Variants in ZCCHC17 observed in about 807,000 individuals in gnomAD.
ZCCHC17 encodes the protein zinc finger CCHC-type containing 17.
A neutral mutation model predicts 30.6 loss-of-function variants in ZCCHC17; 18 were observed. The observed-to-expected ratio is 0.59, with a 90% CI of 0.41 to 0.87. ZCCHC17 has a LOEUF of 0.87. Ranked by LOEUF, ZCCHC17 falls within the 40% of genes least tolerant of loss-of-function variation. The pLI, the probability that ZCCHC17 is intolerant of heterozygous loss-of-function variation, is 0.00. For synonymous variants in ZCCHC17, 88 were observed against 92.4 expected (o/e 0.95, Z 0.27); for missense variants, 263 against 284.2 (o/e 0.93, Z 0.54).
intron 5 of ZCCHC17, among the ~76,000 whole-genome samples, chr1:31,345,766 A>C (rs1253458556): frequency 6.6e-6 from 1 of 150,442 alleles, no homozygotes; most frequent in African/African-American, 2.4e-5. Flanking sequence ...GCAGGAGAGA[A>C]AGAGAGAGAG....
At chr1:31,311,675 C>T (rs940179164) in intron 2 of ZCCHC17, among the ~76,000 whole-genome samples, 2 of 152,146 alleles carry the variant, frequency 1.3e-5, no homozygotes, top group South Asian at 2.1e-4. Flanking sequence ...ACAGAAGGAG[C>T]GAACTCACCC....
At chr1:31,338,851 A>G (rs879433616) in intron 4 of ZCCHC17, 106 bp from the exon 5 acceptor site, 16 of 693,774 alleles carry the variant, frequency 2.3e-5, no homozygotes, top group Non-Finnish European at 3.4e-5. Flanking sequence ...TACCTGGTCC[A>G]TTAAAGAAGC....
chr1:31,346,997 C>T (rs1277570939), intron 6 of ZCCHC17, among the ~76,000 whole-genome samples: 1 of 152,160 alleles, frequency 6.6e-6, no homozygotes, highest in African/African-American at 2.4e-5. Flanking sequence ...TATGCCTTGT[C>T]TGGGCAAGAC....
chr1:31,335,653 C>T (rs1638785386), intron 3 of ZCCHC17, among the ~76,000 whole-genome samples: 1 of 152,150 alleles, frequency 6.6e-6, no homozygotes, highest in Non-Finnish European at 1.5e-5. Flanking sequence ...GCCTGAGCTT[C>T]CATGCCCAGC....
intron 6 of ZCCHC17, among the ~76,000 whole-genome samples, chr1:31,347,492 A>G (rs1056228882): frequency 2.0e-5 from 3 of 152,222 alleles, no homozygotes; most frequent in African/African-American, 4.8e-5. Flanking sequence ...AGGAAAAAAT[A>G]AAATTGAGAG....
At chr1:31,344,997 T>A (rs943821819) in intron 5 of ZCCHC17, among the ~76,000 whole-genome samples, 6 of 151,134 alleles carry the variant, frequency 4.0e-5, no homozygotes, top group African/African-American at 1.5e-4. Context: ...TTGCTGGGAC[T>A]ACAAACACAA....
chr1:31,351,401 C>G (rs1639465340), intron 7 of ZCCHC17, among the ~76,000 whole-genome samples: 1 of 152,022 alleles, frequency 6.6e-6, no homozygotes, highest in Admixed American at 6.6e-5. Flanking sequence ...TATTTGCCCT[C>G]TACCTCTTAG....
intron 3 of ZCCHC17, among the ~76,000 whole-genome samples, chr1:31,334,063 C>T (rs1002852812): frequency 1.3e-5 from 2 of 152,124 alleles, no homozygotes; most frequent in Non-Finnish European, 2.9e-5. Context: ...ACCCCATTTG[C>T]ATGAATTTCA....
intron 5 of ZCCHC17, among the ~76,000 whole-genome samples, chr1:31,339,866 C>T (rs891376828): frequency 8.6e-5 from 13 of 151,386 alleles, no homozygotes; most frequent in African/African-American, 3.1e-4. Flanking sequence ...GTTGGCTCTT[C>T]TGACCTTTCA....
intron 5 of ZCCHC17, among the ~76,000 whole-genome samples, chr1:31,343,515 A>G (rs1165401491): frequency 6.6e-6 from 1 of 152,140 alleles, no homozygotes; most frequent in African/African-American, 2.4e-5. Context: ...TTTTCCATAA[A>G]AATCTAACTC....
intron 3 of ZCCHC17, among the ~76,000 whole-genome samples, chr1:31,327,281 C>G (rs1638392308): frequency 6.6e-6 from 1 of 152,192 alleles, no homozygotes; most frequent in Non-Finnish European, 1.5e-5. Context: ...AAAATTTCCC[C>G]CATTTCAGAT....
intron 3 of ZCCHC17, among the ~76,000 whole-genome samples, chr1:31,323,345 G>A (rs1031242556): frequency 1.2e-4 from 18 of 150,888 alleles, no homozygotes; most frequent in Admixed American, 2.0e-4. Flanking sequence ...TTTTTGAGAC[G>A]GAGTCTTGCT....
At chr1:31,331,775 C>A (rs554775653) in intron 3 of ZCCHC17, among the ~76,000 whole-genome samples, 2 of 151,758 alleles carry the variant, frequency 1.3e-5, no homozygotes, top group Non-Finnish European at 2.9e-5. Context: ...CCATGCCCAA[C>A]TAATTTTTGT....
At chr1:31,311,101 T>C (rs114260056) in intron 2 of ZCCHC17, among the ~76,000 whole-genome samples, 1 of 152,210 alleles carries the variant, frequency 6.6e-6, no homozygotes, top group African/African-American at 2.4e-5. Flanking sequence ...AATTCTTTTT[T>C]AAAAATTGAG....
chr1:31,345,024 A>ATTT (rs546042719), intron 5 of ZCCHC17, among the ~76,000 whole-genome samples: 1 of 134,766 alleles, frequency 7.4e-6, no homozygotes, highest in Non-Finnish European at 1.6e-5. Context: ...ATGCCTGGCT[A>ATTT]TTTTTTTTTT....
intron 7 of ZCCHC17, among the ~76,000 whole-genome samples, chr1:31,362,583 G>A (rs1184271955): frequency 6.6e-6 from 1 of 152,164 alleles, no homozygotes; most frequent in Non-Finnish European, 1.5e-5. Context: ...TTTTCTTTAT[G>A]AGTATAATCT....
At chr1:31,298,482 T>C (rs113814078) in intron 1 of ZCCHC17, among the ~76,000 whole-genome samples, 2 of 151,322 alleles carry the variant, frequency 1.3e-5, no homozygotes, top group African/African-American at 4.9e-5. Context: ...ACCTCCCAGG[T>C]TCAAGCAATT....
rs367866411 is a variant in ZCCHC17 at position 31,304,531 on chromosome 1, G to A, written c.-55-5513G>A. Among the ~76,000 whole-genome samples, 7 of 151,920 alleles carry A rather than the reference G, an allele frequency of 4.6e-5. No individual in the cohort carries two copies. The East Asian group carries it at 5.8e-4, about 13-fold the overall frequency. On this transcript the variant is annotated intron_variant, in intron 1 of 7. Coordinates refer to ENST00000344147, the MANE Select transcript of ZCCHC17 (RefSeq NM_016505.4). Reference sequence around the variant, plus strand: ...ACTCCTGGGCTCTAGTGATCCACCCGCCATGGCCTCCCAAAGTGCTGGTAT... The same window carrying A: ...ACTCCTGGGCTCTAGTGATCCACCCACCATGGCCTCCCAAAGTGCTGGTAT...
At position 31,364,826 on chromosome 1, in the gene ZCCHC17, A is replaced by T. The variant is rs1309545548; in HGVS notation, c.*633A>T. On this transcript the variant is annotated 3_prime_UTR_variant, in exon 8 of 8. Coordinates refer to ENST00000344147, the MANE Select transcript of ZCCHC17 (RefSeq NM_016505.4). The stretch of plus-strand genomic sequence containing the variant: ...CAGCAGACCACTGAACCAGACAGCG[A>T]AGCCAAGATCATTGTTCTACTTTGT... The T allele has an allele frequency of 6.6e-6, 1 of 152,330 alleles. No individual in the cohort carries two copies. The highest frequency in any genetic ancestry group is 2.4e-5 in the African/African-American group (1 of 41,452). 9.4% of individuals were successfully genotyped at this position (152,330 alleles called of 1,614,324 possible).
Sources: gnomAD v4.1 joint callset for allele counts (sites outside exome capture counted in the v4.1 genomes callset) on GRCh38, gnomAD v4.1.1 for gene constraint, MANE v1.5 for transcripts, NCBI Gene and HGNC (gene_info 2026-07-23, HGNC 2026-07-21) for gene names.